TLK1: variants seen among roughly 807,000 people sequenced by gnomAD.
TLK1 encodes the protein serine/threonine-protein kinase tousled-like 1.
TLK1 carries 24 observed loss-of-function variants against 105.3 expected under a neutral mutation model. That is an observed-to-expected ratio of 0.23 (90% CI 0.17 to 0.32). The LOEUF is 0.32. Among genes scored for constraint, TLK1 ranks in the 10% least tolerant of loss-of-function variants. The pLI, the probability that TLK1 is intolerant of heterozygous loss-of-function variation, is 1.00. For synonymous variants in TLK1, 321 were observed against 310.4 expected (o/e 1.03, Z -0.36); for missense variants, 558 against 910.5 (o/e 0.61, Z 4.98).
At chr2:171,111,119 AT>A (rs1411690337) in intron 2 of TLK1, among the ~76,000 whole-genome samples, 1 of 152,246 alleles carries the variant, frequency 6.6e-6, no homozygotes, top group African/African-American at 2.4e-5. Context: ...TGAAATATTC[AT>A]TAAACAAAGC....
chr2:171,170,044 G>A (rs1272872733), intron 1 of TLK1, among the ~76,000 whole-genome samples: 1 of 151,142 alleles, frequency 6.6e-6, no homozygotes, highest in African/African-American at 2.4e-5. Context: ...GAAAAGAAAG[G>A]CATAAAAACA....
chr2:170,996,195 C>A (rs919751718), intron 20 of TLK1, among the ~76,000 whole-genome samples: 2 of 151,848 alleles, frequency 1.3e-5, no homozygotes, highest in African/African-American at 4.8e-5. Flanking sequence ...GACCGGGTTT[C>A]ACCATGTTGG....
At chr2:171,202,107 T>C (rs1693414769) in intron 1 of TLK1, among the ~76,000 whole-genome samples, 1 of 152,220 alleles carries the variant, frequency 6.6e-6, no homozygotes, top group Admixed American at 6.5e-5. Flanking sequence ...AAATACAGGA[T>C]GCCAAGTTAA....
In TLK1 at chr2:171,098,214, C is replaced by T. The variant is rs550831360; in HGVS notation, c.259-15362G>A. 1.1e-4 allele frequency among the ~76,000 whole-genome samples: 16 copies of T among 151,890 alleles called. No homozygotes were observed. In the East Asian group the frequency reaches 1.7e-3, roughly 17 times the overall value. ...GTGATTACAGTTAATAATATAGTACCGTACACTTGAAATTTGCTAAGAGAA... is the reference window on the plus strand; with the variant it reads ...GTGATTACAGTTAATAATATAGTACTGTACACTTGAAATTTGCTAAGAGAA... On this transcript the variant is annotated intron_variant, in intron 2 of 20. Transcript: ENST00000431350.
intron 2 of TLK1, among the ~76,000 whole-genome samples, chr2:171,088,162 C>T (rs1342033734): frequency 6.6e-6 from 1 of 151,902 alleles, no homozygotes; most frequent in East Asian, 1.9e-4. Flanking sequence ...GAAACCCTGT[C>T]CCTACAGAGG....
chr2:171,042,011 A>G (rs1407975812), intron 11 of TLK1, among the ~76,000 whole-genome samples: 1 of 152,216 alleles, frequency 6.6e-6, no homozygotes, highest in Non-Finnish European at 1.5e-5. Flanking sequence ...ATTTAAACCT[A>G]TAATTTGTTT....
intron 1 of TLK1, among the ~76,000 whole-genome samples, chr2:171,189,863 A>ATTTCC (rs1693110869): frequency 6.6e-6 from 1 of 152,160 alleles, no homozygotes; most frequent in Admixed American, 6.6e-5. Context: ...AGAAAATCAA[A>ATTTCC]AGGTCAGAAA....
chr2:171,090,069 G>C (rs1689161094), intron 2 of TLK1, among the ~76,000 whole-genome samples: 1 of 152,124 alleles, frequency 6.6e-6, no homozygotes, highest in African/African-American at 2.4e-5. Flanking sequence ...TTATAACATT[G>C]AGTCTTCCAA....
At chr2:171,165,664 G>A (rs1429322515), upstream of TLK1, among the ~76,000 whole-genome samples, 1 of 152,184 alleles carries the variant, frequency 6.6e-6, no homozygotes, top group Non-Finnish European at 1.5e-5. Context: ...TGTAATCCCA[G>A]CATTTTGGGA....
At chr2:170,995,615 A>G (rs1214782940) in intron 20 of TLK1, among the ~76,000 whole-genome samples, 3 of 152,250 alleles carry the variant, frequency 2.0e-5, no homozygotes. Context: ...ATAAGACAAG[A>G]TTTAGATGTC....
At chr2:171,187,228 C>T (rs1209068270) in intron 1 of TLK1, among the ~76,000 whole-genome samples, 1 of 152,036 alleles carries the variant, frequency 6.6e-6, no homozygotes, top group East Asian at 1.9e-4. Context: ...CCACCCATCT[C>T]TAGGAGTCTC....
chr2:171,086,826 G>C (rs551605991), intron 2 of TLK1, among the ~76,000 whole-genome samples: 1 of 152,196 alleles, frequency 6.6e-6, no homozygotes, highest in South Asian at 2.1e-4. Flanking sequence ...CTTCCAAAGA[G>C]GCTGCAAAGT....
intron 2 of TLK1, among the ~76,000 whole-genome samples, chr2:171,107,949 C>A (rs1689998421): frequency 1.3e-5 from 2 of 151,938 alleles, no homozygotes; most frequent in Middle Eastern, 3.4e-3. Context: ...CCAAGCTACT[C>A]AGGAGGCTTA....
At chr2:171,155,677 A>T (rs1450979208) in intron 1 of TLK1, 2 of 152,146 alleles carry the variant, frequency 1.3e-5, no homozygotes, top group African/African-American at 4.8e-5. Flanking sequence ...TCCCCAAAAA[A>T]TATGTCCCTG....
intron 12 of TLK1, among the ~76,000 whole-genome samples, chr2:171,024,947 T>C (rs1341494744): frequency 6.8e-6 from 1 of 146,894 alleles, no homozygotes; most frequent in Non-Finnish European, 1.5e-5. Context: ...AAAGAATTCT[T>C]GATACAGTTG....
intron 1 of TLK1, among the ~76,000 whole-genome samples, chr2:171,226,310 T>C (rs1016899248): frequency 9.9e-5 from 15 of 152,204 alleles, no homozygotes; most frequent in African/African-American, 3.4e-4. Flanking sequence ...TAAAATCTTG[T>C]TTGCCTTCAC....
intron 2 of TLK1, among the ~76,000 whole-genome samples, chr2:171,093,077 C>T (rs527563328): frequency 6.6e-6 from 1 of 152,274 alleles, no homozygotes; most frequent in East Asian, 1.9e-4. Flanking sequence ...AATTAGCCTC[C>T]TACTGCCTAA....
Position 170,996,596 on chromosome 2 carries a change from A to ATTTGAC in TLK1, c.2124+56_2124+57insGTCAAA. ...ACTGGAAAGTACTTACCTTGTTGTC[A>ATTTGAC]GCACAACTGATGAAAGAAAAGTTAC... On this transcript the variant is annotated intron_variant, in intron 20 of 20. Coordinates refer to ENST00000431350, the MANE Select transcript of TLK1 (RefSeq NM_012290.5). 3.5e-6 allele frequency: 5 copies of ATTTGAC among 1,430,950 alleles called. No individual in the cohort carries two copies. The South Asian group carries it at 6.0e-5, about 17-fold the overall frequency. 88.6% of individuals were successfully genotyped at this position (1,430,950 alleles called of 1,614,324 possible).
chr2:171,131,818 C>CT (rs551293608), intron 1 of TLK1, among the ~76,000 whole-genome samples: 1 of 151,876 alleles, frequency 6.6e-6, no homozygotes, highest in Non-Finnish European at 1.5e-5. Context: ...TTCTTCCAGT[C>CT]TTTTTTTCCA....
Sources: allele counts gnomAD v4.1 joint callset (sites outside exome capture counted in the v4.1 genomes callset), GRCh38; gene constraint gnomAD v4.1.1; transcripts MANE v1.5; gene names NCBI Gene and HGNC (gene_info 2026-07-23, HGNC 2026-07-21).